Variants in LRRN3 observed in about 807,000 individuals in gnomAD.
LRRN3 encodes leucine-rich repeat neuronal protein 3.
LRRN3 carries 15 observed loss-of-function variants against 40.1 expected under a neutral mutation model. The ratio of observed to expected loss-of-function variants is 0.37; its 90% CI spans 0.25 to 0.58. The LOEUF (loss-of-function observed/expected upper bound fraction) is 0.58, where lower values mean the gene tolerates loss of function less well. Among genes scored for constraint, LRRN3 ranks in the 20% least tolerant of loss-of-function variants. The probability of loss-of-function intolerance (pLI) is 0.72; values close to 1 mark genes in which losing one functional copy is unlikely to be tolerated. For synonymous variants in LRRN3, 308 were observed against 297.2 expected, an observed-to-expected ratio of 1.04 and a Z score of -0.37; for missense variants, 746 against 837.7, an observed-to-expected ratio of 0.89 and a Z score of 1.35.
intron 2 of LRRN3, among the ~76,000 whole-genome samples, chr7:111,108,150 C>T (rs1350825003): frequency 6.9e-6 from 1 of 145,842 alleles, no homozygotes; most frequent in Non-Finnish European, 1.5e-5. Flanking sequence ...AGACAAAAAC[C>T]TCACAGATTG....
intron 2 of LRRN3, among the ~76,000 whole-genome samples, chr7:111,112,053 T>C (rs1799297188): frequency 6.6e-6 from 1 of 150,468 alleles, no homozygotes; most frequent in African/African-American, 2.4e-5. Context: ...GTTCCGGTGA[T>C]TCTCCTGTCT....
In LRRN3 at chr7:111,123,805, G is replaced by C. The variant is rs1335162607; in HGVS notation, c.1033G>C (p.Ala345Pro). 1 of 1,613,978 alleles carries C rather than the reference G, an allele frequency of 6.2e-7. No homozygotes were observed. Residue 345 changes from alanine to proline, a missense_variant, in exon 3 of 3, where the codon GCT becomes CCT. Ala to Pro is a conservative substitution (Grantham distance 27). Transcript: ENST00000308478. The surrounding 1 kb of genome is among the most constrained non-coding windows in gnomAD (Gnocchi z 6.4). The stretch of plus-strand genomic sequence containing the variant: ...GGAATCACTCATGCTGAACAGCAAT[G>C]CTCTCAGTGCCCTGTACCATGGTAC... ...KLESLMLNSN[A>P]LSALYHGTIE...
rs950367533 is a variant in LRRN3, at chr7:111,109,429, A to G, written c.-359+9467A>G. ...AGAAGACAAGTCAGCACACAAGTATAGGCTTACTCAGTGAGTAAGACATAG... is the reference window on the plus strand; with the variant it reads ...AGAAGACAAGTCAGCACACAAGTATGGGCTTACTCAGTGAGTAAGACATAG... On this transcript the variant is annotated intron_variant, in intron 2 of 2. Coordinates refer to ENST00000308478, the MANE Select transcript of LRRN3 (RefSeq NM_001099658.2). Among the ~76,000 whole-genome samples the G allele has an allele frequency of 4.6e-5, 7 of 152,316 alleles. No homozygotes were observed. In the East Asian group the frequency reaches 1.4e-3, roughly 29 times the overall value.
In LRRN3 at chr7:111,122,997, C is replaced by G. The variant is rs1334967710; in HGVS notation, c.225C>G (p.Leu75=). ...TGCCAGCTAACACACAGATTCTTCT[C>G]CTACAGACTAACAATATTGCAAAAA... The part of the protein sequence containing the change: ...ARLPANTQIL[L]LQTNNIAKIE... Residue 75 remains leucine (L), a synonymous_variant, in exon 3 of 3, where the codon CTC becomes CTG. Coordinates refer to ENST00000308478, the MANE Select transcript of LRRN3 (RefSeq NM_001099658.2). The G allele has an allele frequency of 6.2e-7, 1 of 1,613,918 alleles. No individual in the cohort carries two copies. Among genetic ancestry groups the G allele is most frequent in the Non-Finnish European group, 8.5e-7 (1 of 1,179,876 alleles).
Position 111,122,859 on chromosome 7 carries a change from T to C in LRRN3, c.87T>C (p.Cys29=). 1 of 1,613,972 alleles carries C rather than the reference T, an allele frequency of 6.2e-7. No homozygotes were observed. Among genetic ancestry groups the C allele is most frequent in the Non-Finnish European group, 8.5e-7 (1 of 1,179,914 alleles). ...AAGCTGTAGATAAAAAAGTGGATTGTCCACGGTTATGTACGTGTGAAATCA... is the reference window on the plus strand; with the variant it reads ...AAGCTGTAGATAAAAAAGTGGATTGCCCACGGTTATGTACGTGTGAAATCA... ...LVQAVDKKVD[C]PRLCTCEIRP... The change falls in exon 3 of 3, where the codon TGT becomes TGC. Residue 29 remains cysteine (C), a synonymous_variant. Transcript: ENST00000308478.
chr7:111,095,682 T>A (rs1797326255), intron 1 of LRRN3, among the ~76,000 whole-genome samples: 1 of 152,152 alleles, frequency 6.6e-6, no homozygotes, highest in Admixed American at 6.6e-5. Flanking sequence ...GACTCAGCTA[T>A]TGATCATCCA....
chr7:111,111,296 T>C (rs960004206), intron 2 of LRRN3, among the ~76,000 whole-genome samples: 6 of 138,754 alleles, frequency 4.3e-5, no homozygotes, highest in Non-Finnish European at 9.1e-5. Flanking sequence ...TGGGTAGCAG[T>C]TGTAAAAAAA....
intron 1 of LRRN3, among the ~76,000 whole-genome samples, chr7:111,099,676 A>C (rs1797759708): frequency 6.6e-6 from 1 of 151,722 alleles, no homozygotes; most frequent in Admixed American, 6.6e-5. Flanking sequence ...ACATCAACAT[A>C]CATTTTCTAT....
Position 111,095,593 on chromosome 7 carries a change from C to T in LRRN3, c.-441+4089C>T, listed in dbSNP as rs769840885. ...TCATTTGAATATAGTTTACCATATT[C>T]TGTAAAGTCATAAAAATTAGAGTTT... On this transcript the variant is annotated intron_variant, in intron 1 of 2. Coordinates refer to ENST00000308478, the MANE Select transcript of LRRN3 (RefSeq NM_001099658.2). Among the ~76,000 whole-genome samples, 10 of 152,036 alleles carry T rather than the reference C, an allele frequency of 6.6e-5. No individual in the cohort carries two copies. In the South Asian group the frequency reaches 1.2e-3, roughly 19 times the overall value.
chr7:111,096,902 A>T (rs1466200892), intron 1 of LRRN3: 8 of 152,000 alleles, frequency 5.3e-5, no homozygotes, highest in Non-Finnish European at 1.2e-4. Flanking sequence ...GTAAACTTAC[A>T]TACATTATTC....
chr7:111,103,884 G>T (rs1798250232), intron 2 of LRRN3, among the ~76,000 whole-genome samples: 1 of 151,562 alleles, frequency 6.6e-6, no homozygotes, highest in African/African-American at 2.4e-5. Flanking sequence ...GTCCATGCCT[G>T]ATCCCTTAAT....
chr7:111,117,889 A>C (rs536839698), intron 2 of LRRN3, among the ~76,000 whole-genome samples: 1 of 152,248 alleles, frequency 6.6e-6, no homozygotes, highest in African/African-American at 2.4e-5. Flanking sequence ...AGTCTTTATA[A>C]TACACATAAT....
Position 111,123,409 on chromosome 7 carries a change from A to T in LRRN3, c.637A>T (p.Asn213Tyr), listed in dbSNP as rs769240546. 2 of 1,613,676 alleles carry T rather than the reference A, an allele frequency of 1.2e-6. No individual in the cohort carries two copies. Among genetic ancestry groups the T allele is most frequent in the East Asian group, 4.5e-5 (2 of 44,846 alleles). ...AGACATGAACTTTAAGCCTCTTATC[A>T]ATCTTCGCAGCCTGGTTATAGCTGG... Reference protein sequence around the residue: ...IKDMNFKPLINLRSLVIAGIN... With the variant: ...IKDMNFKPLIYLRSLVIAGIN... Residue 213 changes from asparagine (N) to tyrosine (Y), a missense_variant, in exon 3 of 3, where the codon AAT becomes TAT. Asn to Tyr is a moderately radical substitution (Grantham distance 143, BLOSUM62 -2). Coordinates refer to ENST00000308478, the MANE Select transcript of LRRN3 (RefSeq NM_001099658.2). The surrounding 1 kb of genome is among the most constrained non-coding windows in gnomAD (Gnocchi z 6.4).
chr7:111,095,322 G>A (rs1488229350), intron 1 of LRRN3, among the ~76,000 whole-genome samples: 1 of 151,842 alleles, frequency 6.6e-6, no homozygotes, highest in Admixed American at 6.6e-5. Flanking sequence ...AGAGGCCTAG[G>A]TTAGAACCCC....
chr7:111,123,898 A>C lies in LRRN3; in HGVS notation c.1126A>C (p.Ile376Leu), dbSNP rs771780819. Residue 376 changes from isoleucine to leucine, a missense_variant, in exon 3 of 3, where the codon ATC becomes CTC. Coordinates refer to ENST00000308478, the MANE Select transcript of LRRN3 (RefSeq NM_001099658.2). This position sits in a 1 kb window ranked among gnomAD's most constrained non-coding sequence, Gnocchi z 6.4. The stretch of plus-strand genomic sequence containing the variant: ...TAACCCCATCAGGTGTGACTGTGTC[A>C]TCCGTTGGATGAACATGAACAAAAC... The part of the protein sequence containing the change: ...HSNPIRCDCV[I>L]RWMNMNKTNI... 5.6e-6 allele frequency: 9 copies of C among 1,613,932 alleles called. No homozygotes were observed. Among genetic ancestry groups the C allele is most frequent in the Non-Finnish European group, 7.6e-6 (9 of 1,180,012 alleles).
intron 1 of LRRN3, among the ~76,000 whole-genome samples, chr7:111,098,721 C>T (rs1420087648): frequency 6.6e-6 from 1 of 151,652 alleles, no homozygotes; most frequent in Non-Finnish European, 1.5e-5. Context: ...ACCCATTTTA[C>T]CAACGTGAAA....
At chr7:111,093,632 C>T (rs770218256) in intron 1 of LRRN3, among the ~76,000 whole-genome samples, 1 of 152,124 alleles carries the variant, frequency 6.6e-6, no homozygotes, top group Non-Finnish European at 1.5e-5. Context: ...AGCTCACATA[C>T]ATATTTTGTG....
chr7:111,097,505 A>G (rs528808275), intron 1 of LRRN3, among the ~76,000 whole-genome samples: 49 of 152,032 alleles, frequency 3.2e-4, no homozygotes, highest in African/African-American at 1.2e-3. Context: ...TTTGTTCTAT[A>G]ATTTATAGTC....
chr7:111,117,608 T>G (rs371784913), intron 2 of LRRN3, among the ~76,000 whole-genome samples: 5 of 152,176 alleles, frequency 3.3e-5, no homozygotes, highest in African/African-American at 1.2e-4. Context: ...AATAGAACAG[T>G]CTTTTACAAG....
Sources: allele counts gnomAD v4.1 joint callset (sites outside exome capture counted in the v4.1 genomes callset), GRCh38; gene constraint gnomAD v4.1.1; non-coding constraint Gnocchi (gnomAD v3.1); transcripts MANE v1.5; gene names NCBI Gene and HGNC (gene_info 2026-07-23, HGNC 2026-07-21).